Variants in SLC36A1 observed in about 807,000 individuals in gnomAD.
SLC36A1 encodes proton-coupled amino acid transporter 1.
A neutral mutation model predicts 47.5 loss-of-function variants in SLC36A1; 30 were observed. The ratio of observed to expected loss-of-function variants is 0.63; its 90% confidence interval spans 0.47 to 0.86. SLC36A1 has a LOEUF of 0.86. Among genes scored for constraint, SLC36A1 ranks in the 40% least tolerant of loss-of-function variants. The probability of loss-of-function intolerance (pLI) is 0.00; values close to 1 mark genes in which losing one functional copy is unlikely to be tolerated. For missense variants in SLC36A1, 517 were observed against 606.0 expected (o/e 0.85, Z 1.54); for synonymous variants, 255 against 249.7 (o/e 1.02, Z -0.20).
intron 8 of SLC36A1, 124 bp downstream of exon 8, chr5:151,473,895 C>A: frequency 1.3e-6 from 1 of 791,810 alleles, no homozygotes; most frequent in South Asian, 1.6e-5. Flanking sequence ...CATGGTGGCT[C>A]ACGCCTGTAA....
At chr5:151,552,012 T>TGTGTGG in the SLC36A1 span, among the ~76,000 whole-genome samples, 1 of 151,728 alleles carries the variant, frequency 6.6e-6, no homozygotes, top group East Asian at 1.9e-4. Context: ...TGTGTGTGTG[T>TGTGTGG]GTAAAGGAAA....
At chr5:151,405,405 A>G in the SLC36A1 span, among the ~76,000 whole-genome samples, 1 of 141,630 alleles carries the variant, frequency 7.1e-6, no homozygotes, top group Admixed American at 7.4e-5. Context: ...GCTGGAATAC[A>G]ATGGCGAGAT....
At chr5:151,361,402 A>G in the SLC36A1 span, among the ~76,000 whole-genome samples, 1 of 152,222 alleles carries the variant, frequency 6.6e-6, no homozygotes, top group Non-Finnish European at 1.5e-5. Context: ...TAAAAATAAT[A>G]TATTTCTTAT....
the SLC36A1 span, chr5:151,380,572 C>T: frequency 3.3e-5 from 18 of 544,132 alleles, no homozygotes; most frequent in South Asian, 1.7e-4. Context: ...ACTGGACATG[C>T]GTCTGAATGA....
At chr5:151,531,874 A>G in the SLC36A1 span, 81 of 1,614,086 alleles carry the variant, frequency 5.0e-5, no homozygotes, top group Middle Eastern at 5.0e-3. This position sits in a 1 kb window ranked among gnomAD's most constrained non-coding sequence, Gnocchi z 5.7. Flanking sequence ...CCTGACCTGC[A>G]GCGGCTTTTC....
upstream of SLC36A1, among the ~76,000 whole-genome samples, chr5:151,445,029 T>A (rs955012294): frequency 1.3e-5 from 2 of 152,204 alleles, no homozygotes; most frequent in Non-Finnish European, 2.9e-5. Context: ...TGCTACTGGA[T>A]CTTGGTGGAA....
the SLC36A1 span, among the ~76,000 whole-genome samples, chr5:151,363,023 C>T: frequency 5.3e-5 from 8 of 152,106 alleles, no homozygotes; most frequent in South Asian, 2.1e-4. Flanking sequence ...TTGTATGGAA[C>T]GATTATTTAT....
intron 9 of SLC36A1, among the ~76,000 whole-genome samples, chr5:151,478,522 A>C (rs766868674): frequency 9.2e-5 from 14 of 152,210 alleles, no homozygotes; most frequent in Non-Finnish European, 8.8e-5. Flanking sequence ...CAGTGTCTTC[A>C]TCTAATTCTA....
the SLC36A1 span, among the ~76,000 whole-genome samples, chr5:151,430,226 A>G: frequency 2.7e-4 from 40 of 148,354 alleles, 1 homozygote; most frequent in Admixed American, 2.7e-3. Flanking sequence ...GTGCAGGGGC[A>G]TGATCTTGAC....
the SLC36A1 span, chr5:151,543,530 G>A: frequency 6.2e-7 from 1 of 1,614,124 alleles, no homozygotes; most frequent in Non-Finnish European, 8.5e-7. Context: ...TGGCCATTGG[G>A]GTTTATGGAG....
the SLC36A1 span, among the ~76,000 whole-genome samples, chr5:151,351,982 C>A: frequency 6.6e-6 from 1 of 152,322 alleles, no homozygotes; most frequent in East Asian, 1.9e-4. Context: ...TCCCAACTCA[C>A]CTTGTTCATG....
chr5:151,531,522 A>G, the SLC36A1 span: 25 of 1,592,716 alleles, frequency 1.6e-5, no homozygotes, highest in Non-Finnish European at 2.1e-5. The surrounding 1 kb of genome is among the most constrained non-coding windows in gnomAD (Gnocchi z 5.7). Flanking sequence ...CACACAGGGG[A>G]GGAACCCAGC....
At position 151,484,067 on chromosome 5, in the gene SLC36A1, A is replaced by G. The variant is rs182280774; in HGVS notation, c.1160-3916A>G. 1.2e-3 allele frequency among the ~76,000 whole-genome samples: 176 copies of G among 152,348 alleles called. 1 individual carries two copies. The highest frequency in any genetic ancestry group is 4.2e-3 in the African/African-American group (174 of 41,574). On this transcript the variant is annotated intron_variant, in intron 10 of 10. Transcript: ENST00000243389. ...TGAAGCGGAAGATCTTTGTCCAATCAGAGGAAAAATTCTGATCCCAATCTT... is the reference window on the plus strand; with the variant it reads ...TGAAGCGGAAGATCTTTGTCCAATCGGAGGAAAAATTCTGATCCCAATCTT...
At chr5:151,546,416 C>G in the SLC36A1 span, 2 of 1,104,810 alleles carry the variant, frequency 1.8e-6, no homozygotes, top group Non-Finnish European at 2.6e-6. Context: ...AGTAAAGGGT[C>G]TATCACACAA....
At chr5:151,500,113 C>T in the SLC36A1 span, among the ~76,000 whole-genome samples, 1 of 152,294 alleles carries the variant, frequency 6.6e-6, no homozygotes, top group South Asian at 2.1e-4. Flanking sequence ...TTGGCTTGTT[C>T]TGAACTCAGC....
the SLC36A1 span, among the ~76,000 whole-genome samples, chr5:151,426,831 T>A: frequency 5.8e-4 from 89 of 152,252 alleles, no homozygotes; most frequent in Middle Eastern, 3.4e-3. Context: ...TGGGCAGAGG[T>A]CCCTGCGGCC....
chr5:151,416,960 C>G, the SLC36A1 span, among the ~76,000 whole-genome samples: 3 of 152,200 alleles, frequency 2.0e-5, no homozygotes, highest in African/African-American at 4.8e-5. Flanking sequence ...TCGCTTAGCA[C>G]TTCTCCTGCC....
chr5:151,510,496 C>T, the SLC36A1 span: 15 of 219,098 alleles, frequency 6.8e-5, no homozygotes, highest in African/African-American at 1.5e-4. Flanking sequence ...TTGATCCTCA[C>T]GATGACCCTG....
At chr5:151,462,018 C>T (rs1396843429) in intron 2 of SLC36A1, among the ~76,000 whole-genome samples, 1 of 151,104 alleles carries the variant, frequency 6.6e-6, no homozygotes, top group East Asian at 1.9e-4. Flanking sequence ...GTCATTCAGA[C>T]CTGAGTACTT....
Sources: gnomAD v4.1 joint callset for allele counts (sites outside exome capture counted in the v4.1 genomes callset) on GRCh38, gnomAD v4.1.1 for gene constraint, Gnocchi (gnomAD v3.1) non-coding constraint, MANE v1.5 for transcripts, NCBI Gene and HGNC (gene_info 2026-07-23, HGNC 2026-07-21) for gene names.